DNAH7: variants seen among roughly 807,000 people sequenced by gnomAD.
The protein encoded by DNAH7 is dynein axonemal heavy chain 7.
In DNAH7, 397 loss-of-function variants were observed where a neutral mutation model predicts 444.6. The observed-to-expected ratio is 0.89, with a 90% CI of 0.82 to 0.97. DNAH7 has a LOEUF of 0.97. Ranked by LOEUF, DNAH7 falls within the 50% of genes least tolerant of loss-of-function variation. The pLI is 0.00. For missense variants in DNAH7, 4,902 were observed against 4,800.8 expected (o/e 1.02, Z -0.62); for synonymous variants, 1,636 against 1,624.4 (o/e 1.01, Z -0.17).
At chr2:195,829,736 A>G (rs946092035) in intron 48 of DNAH7, among the ~76,000 whole-genome samples, 4 of 152,172 alleles carry the variant, frequency 2.6e-5, no homozygotes, top group Middle Eastern at 3.4e-3. Context: ...TAATATATGT[A>G]AAAATCATTT....
Position 196,024,369 on chromosome 2 carries a change from T to C in DNAH7, c.743+60A>G, listed in dbSNP as rs1051055087. 3 of 1,072,460 alleles carry C rather than the reference T, an allele frequency of 2.8e-6. No individual in the cohort carries two copies. In the Admixed American group the frequency reaches 8.8e-5, roughly 32 times the overall value. The allele number at this position is 1,072,460 out of a possible 1,614,324, so 66.4% of individuals were successfully genotyped here. A position where few individuals can be genotyped will look rare whatever the true frequency, so the allele number is the denominator to read the frequency against. On this transcript the variant is annotated intron_variant, in intron 8 of 64. Coordinates refer to ENST00000312428, the MANE Select transcript of DNAH7 (RefSeq NM_018897.3). ...ACATTTGAGAAAATATAATTGGTGATATAAACATATACAGAAATGGTCACA... is the reference window on the plus strand; with the variant it reads ...ACATTTGAGAAAATATAATTGGTGACATAAACATATACAGAAATGGTCACA...
intron 63 of DNAH7, among the ~76,000 whole-genome samples, chr2:195,753,395 T>A (rs926959170): frequency 2.6e-5 from 4 of 152,166 alleles, no homozygotes; most frequent in Non-Finnish European, 4.4e-5. Flanking sequence ...AAATAAAACT[T>A]CTTGGCACAG....
chr2:195,991,380 ACTTT>A (rs1693329985), intron 12 of DNAH7, among the ~76,000 whole-genome samples: 1 of 152,176 alleles, frequency 6.6e-6, no homozygotes, highest in Admixed American at 6.5e-5. Context: ...GTGAATTCTT[ACTTT>A]CTTTTTCCTG....
intron 21 of DNAH7, among the ~76,000 whole-genome samples, chr2:195,934,027 A>T (rs1031763205): frequency 6.6e-6 from 1 of 152,094 alleles, no homozygotes; most frequent in Non-Finnish European, 1.5e-5. Flanking sequence ...TAAAAAAAAA[A>T]ACTGAGTGCT....
intron 48 of DNAH7, among the ~76,000 whole-genome samples, chr2:195,826,725 C>T (rs1401668560): frequency 6.6e-6 from 1 of 152,042 alleles, no homozygotes; most frequent in African/African-American, 2.4e-5. Context: ...CAGTGACAAC[C>T]GTCAGAAAAC....
In DNAH7 at chr2:195,988,047, G is replaced by A; in HGVS notation, c.1536C>T (p.Phe512=). ...TRKAERDVDN[F]LAENHSYEKI... ...TTTCATAACTATGATTTTCTGCGAG[G>A]AAGTTATCAACATCTCGCTCAGCTT... The change falls in exon 13 of 65, where the codon TTC becomes TTT. Residue 512 remains phenylalanine, a synonymous_variant. Coordinates refer to ENST00000312428, the MANE Select transcript of DNAH7 (RefSeq NM_018897.3). 4 of 1,613,416 alleles carry A rather than the reference G, an allele frequency of 2.5e-6. No homozygotes were observed. The highest frequency in any genetic ancestry group is 3.4e-6 in the Non-Finnish European group (4 of 1,179,696).
chr2:195,745,153 T>C (rs1371880123), intron 63 of DNAH7, among the ~76,000 whole-genome samples: 1 of 152,054 alleles, frequency 6.6e-6, no homozygotes, highest in East Asian at 1.9e-4. Flanking sequence ...TAGAGAGAAG[T>C]GCTTAAAGGA....
intron 49 of DNAH7, among the ~76,000 whole-genome samples, chr2:195,820,647 TG>T (rs1697420981): frequency 6.6e-6 from 1 of 152,218 alleles, no homozygotes; most frequent in African/African-American, 2.4e-5. Flanking sequence ...GCATTCTATA[TG>T]TTAGTGACAA....
chr2:195,872,509 C>A, intron 39 of DNAH7, 40 bp from the exon 40 acceptor site: 1 of 1,386,046 alleles, frequency 7.2e-7, no homozygotes, highest in Non-Finnish European at 9.9e-7. Flanking sequence ...AAAATGTTAG[C>A]AATTATAGAA....
Position 195,771,777 on chromosome 2 carries a change from C to T in DNAH7, c.11316G>A (p.Arg3772=), listed in dbSNP as rs1694853850. 1 of 1,614,098 alleles carries T rather than the reference C, an allele frequency of 6.2e-7. No individual in the cohort carries two copies. Among genetic ancestry groups the T allele is most frequent in the Middle Eastern group, 1.6e-4 (1 of 6,062 alleles). The part of the protein sequence containing the change: ...NNFDIEAAMR[R]YPTTYTQSMN... ...TGCTCTGAGTATAAGTTGTTGGGTA[C>T]CTCCTCATGGCAGCCTCGATGTCGA... The change falls in exon 61 of 65, where the codon AGG becomes AGA. Residue 3772 remains arginine (R), a synonymous_variant. Coordinates refer to ENST00000312428, the MANE Select transcript of DNAH7 (RefSeq NM_018897.3).
At chr2:195,926,621 T>C (rs1688354043) in intron 21 of DNAH7, 55 bp from the exon 22 acceptor site, 24 of 1,481,526 alleles carry the variant, frequency 1.6e-5, no homozygotes, top group East Asian at 4.9e-5. Context: ...AGTTATACAA[T>C]TGAGAGCTAA....
At chr2:195,757,054 C>T (rs1464187655) in intron 61 of DNAH7, among the ~76,000 whole-genome samples, 1 of 152,006 alleles carries the variant, frequency 6.6e-6, no homozygotes, top group Non-Finnish European at 1.5e-5. Flanking sequence ...TCTCAAACTG[C>T]TGGCCTCAAG....
At position 195,787,165 on chromosome 2, in the gene DNAH7, A is replaced by G. The variant is rs1695660947; in HGVS notation, c.10723T>C (p.Phe3575Leu). The G allele has an allele frequency of 1.3e-6, 2 of 1,598,826 alleles. No homozygotes were observed. The highest frequency in any genetic ancestry group is 1.8e-5 in the Admixed American group (1 of 54,234). The change falls in exon 58 of 65, where the codon TTC (phenylalanine) becomes CTC (leucine). Residue 3575 changes from phenylalanine (F) to leucine (L), a missense_variant. Phe to Leu is a conservative substitution (Grantham distance 22). Coordinates refer to ENST00000312428, the MANE Select transcript of DNAH7 (RefSeq NM_018897.3). ...FFGSCKKPEEFKKLLYGLCFF... is the reference protein window; with the variant it reads ...FFGSCKKPEELKKLLYGLCFF... ...CACAGGCCATAAAGCAATTTCTTGA[A>G]TTCCTCCTGTAATGAGAAGAAATGA...
Position 195,858,482 on chromosome 2 carries a change from T to C in DNAH7, c.8059A>G (p.Thr2687Ala). The stretch of plus-strand genomic sequence containing the variant: ...TATGGCGAAGCTCTTACCTGTGCAG[T>C]AAGAGTATCAAGGGCGGCCAGTGCT... ...ESALAALDTLTAQDITVVKSM... is the reference protein window; with the variant it reads ...ESALAALDTLAAQDITVVKSM... The change falls in exon 43 of 65, where the codon ACT (threonine) becomes GCT (alanine). Residue 2687 changes from threonine to alanine, a missense_variant. Coordinates refer to ENST00000312428, the MANE Select transcript of DNAH7 (RefSeq NM_018897.3). 1 of 1,601,904 alleles carries C rather than the reference T, an allele frequency of 6.2e-7. No individual in the cohort carries two copies. The highest frequency in any genetic ancestry group is 8.5e-7 in the Non-Finnish European group (1 of 1,173,906).
intron 54 of DNAH7, among the ~76,000 whole-genome samples, chr2:195,802,959 G>A (rs1012008783): frequency 2.0e-5 from 3 of 152,078 alleles, no homozygotes; most frequent in Non-Finnish European, 4.4e-5. Flanking sequence ...TTCAGTATTC[G>A]TCTTTCTGTG....
At chr2:195,972,916 G>A (rs776665590) in intron 15 of DNAH7, among the ~76,000 whole-genome samples, 1 of 152,158 alleles carries the variant, frequency 6.6e-6, no homozygotes, top group Non-Finnish European at 1.5e-5. Flanking sequence ...ATAACCACCA[G>A]AACAAATGTA....
At chr2:196,048,741 T>C (rs1370637412) in intron 3 of DNAH7, among the ~76,000 whole-genome samples, 1 of 152,128 alleles carries the variant, frequency 6.6e-6, no homozygotes, top group African/African-American at 2.4e-5. Flanking sequence ...TGGTCTCCTC[T>C]GCATTCCAGC....
At chr2:196,050,902 C>G (rs1697424729) in intron 3 of DNAH7, among the ~76,000 whole-genome samples, 1 of 152,190 alleles carries the variant, frequency 6.6e-6, no homozygotes, top group African/African-American at 2.4e-5. Flanking sequence ...CAAAGCTTTA[C>G]CCCAAGCCCT....
chr2:195,963,717 T>C (rs1244273509), intron 17 of DNAH7, among the ~76,000 whole-genome samples: 1 of 152,234 alleles, frequency 6.6e-6, no homozygotes, highest in Non-Finnish European at 1.5e-5. Flanking sequence ...TCTCCAATGT[T>C]TCTTGTAGTA....
Sources: allele counts gnomAD v4.1 joint callset (sites outside exome capture counted in the v4.1 genomes callset), GRCh38; gene constraint gnomAD v4.1.1; transcripts MANE v1.5; gene names NCBI Gene and HGNC (gene_info 2026-07-23, HGNC 2026-07-21).